The following ASIC2 variants were observed in gnomAD, a reference collection of about 807,000 sequenced individuals.
ASIC2 encodes acid sensing ion channel subunit 2.
Under a neutral mutation model 57.3 loss-of-function variants are expected in ASIC2, and 25 were observed. The observed-to-expected ratio is 0.44, with a 90% CI of 0.32 to 0.61. The LOEUF (loss-of-function observed/expected upper bound fraction) is 0.61. ASIC2 is among the 20% of genes least tolerant of loss of function. The pLI is 0.06. For synonymous variants in ASIC2, 319 were observed against 307.5 expected (o/e 1.04, Z -0.39); for missense variants, 641 against 738.1 (o/e 0.87, Z 1.52).
intron 1 of ASIC2, among the ~76,000 whole-genome samples, chr17:33,579,477 T>G (rs1376411972): frequency 6.6e-6 from 1 of 152,038 alleles, no homozygotes. Flanking sequence ...CAACATTCAT[T>G]GAGAATCACG....
intron 1 of ASIC2, among the ~76,000 whole-genome samples, chr17:33,540,437 A>G (rs143776680): frequency 1.4e-3 from 213 of 152,048 alleles, no homozygotes; most frequent in African/African-American, 5.0e-3. Context: ...AACTCATCAC[A>G]GCACTTCCCA....
chr17:33,696,445 G>A (rs74768821), intron 1 of ASIC2, among the ~76,000 whole-genome samples: 172 of 152,324 alleles, frequency 1.1e-3, no homozygotes, highest in African/African-American at 4.1e-3. Context: ...GGGCTGATAA[G>A]GTTCTTTTCT....
intron 1 of ASIC2, among the ~76,000 whole-genome samples, chr17:33,691,900 C>G (rs140940219): frequency 6.6e-6 from 1 of 152,026 alleles, no homozygotes; most frequent in Admixed American, 6.6e-5. Flanking sequence ...AGAAACACAT[C>G]GTTGGGTGAT....
chr17:33,071,296 G>C (rs223033), intron 3 of ASIC2, among the ~76,000 whole-genome samples: 140,912 of 152,276 alleles, frequency 0.93, 65,230 homozygotes, highest in East Asian at 0.96. Context: ...AAAAATCCTT[G>C]TTTTTCTATT....
At chr17:33,435,790 A>C (rs1911590082) in intron 1 of ASIC2, among the ~76,000 whole-genome samples, 2 of 152,230 alleles carry the variant, frequency 1.3e-5, no homozygotes, top group Non-Finnish European at 2.9e-5. Context: ...AACAGCATGA[A>C]AGGAAAATGA....
intron 1 of ASIC2, among the ~76,000 whole-genome samples, chr17:33,135,875 G>A (rs1489256551): frequency 6.6e-6 from 1 of 152,234 alleles, no homozygotes; most frequent in Admixed American, 6.5e-5. Flanking sequence ...AAGCCAGTGA[G>A]CTGGAATGCA....
intron 1 of ASIC2, among the ~76,000 whole-genome samples, chr17:33,864,690 C>G (rs1914186671): frequency 6.6e-6 from 1 of 152,136 alleles, no homozygotes; most frequent in Non-Finnish European, 1.5e-5. Context: ...AGCAGGGTGG[C>G]AGGTGCCTTG....
At chr17:33,364,460 T>A (rs1393926727) in intron 1 of ASIC2, among the ~76,000 whole-genome samples, 1 of 152,190 alleles carries the variant, frequency 6.6e-6, no homozygotes, top group African/African-American at 2.4e-5. Flanking sequence ...TGAATTATAA[T>A]CCCCAGTGTT....
chr17:33,217,553 C>A (rs79242722), intron 1 of ASIC2, among the ~76,000 whole-genome samples: 1 of 152,114 alleles, frequency 6.6e-6, no homozygotes, highest in Non-Finnish European at 1.5e-5. Flanking sequence ...CTGTGCTGAA[C>A]GCCTTTAAAC....
At chr17:33,698,290 G>C (rs16968754) in intron 1 of ASIC2, among the ~76,000 whole-genome samples, 43,534 of 151,922 alleles carry the variant, frequency 0.29, 6,485 homozygotes, top group African/African-American at 0.36. Context: ...TGGGGTTTAC[G>C]CATCTCGGTA....
intron 1 of ASIC2, among the ~76,000 whole-genome samples, chr17:33,312,724 C>T (rs776757307): frequency 4.6e-5 from 7 of 152,116 alleles, no homozygotes; most frequent in South Asian, 2.1e-4. Flanking sequence ...TACCTGAGGT[C>T]GGGAGTTCGA....
At chr17:33,208,665 CTTATTA>C (rs1038886701) in intron 1 of ASIC2, among the ~76,000 whole-genome samples, 2 of 151,350 alleles carry the variant, frequency 1.3e-5, no homozygotes, top group African/African-American at 2.4e-5. Context: ...AGAATATTTG[CTTATTA>C]TTATTATTAT....
chr17:33,879,565 T>C (rs1455617105), intron 1 of ASIC2, among the ~76,000 whole-genome samples: 1 of 152,142 alleles, frequency 6.6e-6, no homozygotes, highest in Non-Finnish European at 1.5e-5. Flanking sequence ...CTATCCTAAA[T>C]ATATATGCAC....
intron 1 of ASIC2, among the ~76,000 whole-genome samples, chr17:33,722,569 C>T (rs1270070897): frequency 1.3e-5 from 2 of 150,970 alleles, no homozygotes; most frequent in South Asian, 2.1e-4. Context: ...GAGTTAGAGA[C>T]CTGAGCAACA....
chr17:33,958,349 T>C (rs1904808753), intron 1 of ASIC2, among the ~76,000 whole-genome samples: 1 of 152,228 alleles, frequency 6.6e-6, no homozygotes, highest in South Asian at 2.1e-4. Flanking sequence ...AACCTCACAC[T>C]TCCCTTCTGC....
intron 1 of ASIC2, among the ~76,000 whole-genome samples, chr17:33,251,575 G>A (rs1329866546): frequency 6.6e-6 from 1 of 152,140 alleles, no homozygotes; most frequent in African/African-American, 2.4e-5. Flanking sequence ...TCATCCTACC[G>A]CTGTGGGCTC....
chr17:33,375,219 C>G (rs1041424609), intron 1 of ASIC2, among the ~76,000 whole-genome samples: 2 of 151,998 alleles, frequency 1.3e-5, no homozygotes, highest in Non-Finnish European at 2.9e-5. Context: ...CAGATAAGGC[C>G]CCACTGATGA....
At chr17:34,113,315 C>T (rs1911332201) in intron 1 of ASIC2, among the ~76,000 whole-genome samples, 1 of 152,112 alleles carries the variant, frequency 6.6e-6, no homozygotes, top group African/African-American at 2.4e-5. Context: ...AATCCTAGAA[C>T]TTTGGGAGGT....
At chr17:33,827,895 C>T (rs1010317738) in intron 1 of ASIC2, 5 of 152,104 alleles carry the variant, frequency 3.3e-5, no homozygotes, top group Non-Finnish European at 7.3e-5. Context: ...TCCCGACAGG[C>T]CCCAGTGTGT....
Sources: allele counts gnomAD v4.1 joint callset (sites outside exome capture counted in the v4.1 genomes callset), GRCh38; gene constraint gnomAD v4.1.1; transcripts MANE v1.5; gene names NCBI Gene and HGNC (gene_info 2026-07-23, HGNC 2026-07-21).